Variants in RABGAP1 observed in about 807,000 individuals in gnomAD.
RABGAP1 encodes the protein rab GTPase-activating protein 1.
In RABGAP1, 23 loss-of-function variants were observed where a neutral mutation model predicts 137.6. That is an observed-to-expected ratio of 0.17 (90% CI 0.12 to 0.24). The LOEUF (loss-of-function observed/expected upper bound fraction) is 0.24. Among genes scored for constraint, RABGAP1 ranks in the 10% least tolerant of loss-of-function variants. The pLI is 1.00. For synonymous variants in RABGAP1, 451 were observed against 450.7 expected (o/e 1.00, Z -0.01); for missense variants, 906 against 1,275.8 (o/e 0.71, Z 4.42).
chr9:122,971,402 A>T (rs953566653), intron 2 of RABGAP1, among the ~76,000 whole-genome samples: 14 of 152,226 alleles, frequency 9.2e-5, no homozygotes, highest in South Asian at 2.1e-4. Flanking sequence ...ATTTCCCCAG[A>T]TAACCCTCTT....
At chr9:122,958,745 A>T (rs1834682382) in intron 2 of RABGAP1, among the ~76,000 whole-genome samples, 1 of 152,148 alleles carries the variant, frequency 6.6e-6, no homozygotes, top group Non-Finnish European at 1.5e-5. Context: ...GTTGTGGCTC[A>T]CACCTATAAT....
intron 15 of RABGAP1, among the ~76,000 whole-genome samples, chr9:123,072,156 A>G (rs779905213): frequency 6.6e-6 from 1 of 152,222 alleles, no homozygotes; most frequent in Non-Finnish European, 1.5e-5. Flanking sequence ...CCAAAAATCC[A>G]AAGTGTTCCA....
intron 13 of RABGAP1, chr9:123,034,947 A>C (rs1012633494): frequency 2.5e-6 from 4 of 1,613,050 alleles, no homozygotes; most frequent in African/African-American, 1.3e-5. Flanking sequence ...GCATTGATAG[A>C]TACATTGCCA....
chr9:123,015,173 GA>G (rs1274895193), intron 11 of RABGAP1, among the ~76,000 whole-genome samples: 1 of 151,754 alleles, frequency 6.6e-6, no homozygotes, highest in Non-Finnish European at 1.5e-5. Context: ...TAGGTAGTTT[GA>G]AATTTTTTAA....
In RABGAP1 at chr9:123,104,246, TA is replaced by T. The variant is rs2035435413; in HGVS notation, c.*1036del. On this transcript the variant is annotated 3_prime_UTR_variant, in exon 26 of 26. Transcript: ENST00000373647. ...TGAGAAAGACTGAGTTGCGTGTCTG[TA>T]AATGTCTGCGCAGGGTGCACATGCT... is the stretch of plus-strand genomic sequence containing the variant. 6.6e-6 allele frequency: 1 copy of T among 152,548 alleles called. No homozygotes were observed. Among genetic ancestry groups the T allele is most frequent in the African/African-American group, 2.4e-5 (1 of 41,406 alleles). The allele number at this position is 152,548 out of a possible 1,614,324, so 9.4% of individuals were successfully genotyped here.
At chr9:123,023,361 A>G (rs1263410515) in intron 13 of RABGAP1, among the ~76,000 whole-genome samples, 1 of 152,090 alleles carries the variant, frequency 6.6e-6, no homozygotes, top group Admixed American at 6.6e-5. Flanking sequence ...TTGTATTTTT[A>G]GTAGAGACAG....
intron 1 of RABGAP1, among the ~76,000 whole-genome samples, chr9:122,954,185 G>A (rs1321141218): frequency 6.6e-6 from 1 of 152,170 alleles, no homozygotes; most frequent in East Asian, 1.9e-4. Flanking sequence ...CAGAGGTTGT[G>A]AATCTCTAGA....
rs777856381 is a variant in RABGAP1, at chr9:122,998,752, T to C, written c.1360T>C (p.Leu454=). 1.3e-6 allele frequency: 2 copies of C among 1,597,574 alleles called. No individual in the cohort carries two copies. Among genetic ancestry groups the C allele is most frequent in the South Asian group, 1.1e-5 (1 of 88,918 alleles). The stretch of plus-strand genomic sequence containing the variant: ...ACGTAGTACTACTGAAAATTTCTTT[T>C]TGAAACTAAAACAGGTACTGTATTT... ...SKRSTTENFF[L]KLKQIKQRER... The change falls in exon 10 of 26, where the codon TTG becomes CTG. Residue 454 remains leucine (L), a synonymous_variant. Transcript: ENST00000373647.
intron 1 of RABGAP1, among the ~76,000 whole-genome samples, chr9:122,944,590 G>C (rs10985830): frequency 6.6e-6 from 1 of 150,854 alleles, no homozygotes; most frequent in East Asian, 2.0e-4. Flanking sequence ...GTGGCGGCAC[G>C]ATATCAGCTC....
chr9:123,097,653 T>C (rs2035223171), intron 21 of RABGAP1, 88 bp from the exon 22 acceptor site: 1 of 1,112,718 alleles, frequency 9.0e-7, no homozygotes, highest in East Asian at 2.4e-5. Context: ...AGTTTCCCCA[T>C]CATCTTAAAA....
intron 13 of RABGAP1, among the ~76,000 whole-genome samples, chr9:123,026,059 C>T (rs915081700): frequency 2.1e-5 from 3 of 143,704 alleles, no homozygotes; most frequent in Admixed American, 7.3e-5. Context: ...CGCAGTGGCT[C>T]ACGCCTGTAA....
intron 12 of RABGAP1, among the ~76,000 whole-genome samples, chr9:123,020,107 T>G (rs1212495757): frequency 6.6e-6 from 1 of 151,976 alleles, no homozygotes; most frequent in Non-Finnish European, 1.5e-5. Flanking sequence ...TTGCAGAATC[T>G]ATGTGGATTT....
chr9:123,096,764 G>A (rs1448931900), intron 21 of RABGAP1, among the ~76,000 whole-genome samples: 2 of 152,142 alleles, frequency 1.3e-5, no homozygotes, highest in Admixed American at 1.3e-4. Context: ...TAGAAACAGG[G>A]TTTCACTATG....
chr9:122,965,676 G>A (rs1034330443), intron 2 of RABGAP1, among the ~76,000 whole-genome samples: 2 of 152,170 alleles, frequency 1.3e-5, no homozygotes, highest in African/African-American at 2.4e-5. Context: ...GAGCCACCAC[G>A]CCCAGCCTGT....
chr9:123,024,744 A>G (rs1223518528), intron 13 of RABGAP1, among the ~76,000 whole-genome samples: 1 of 152,132 alleles, frequency 6.6e-6, no homozygotes, highest in Non-Finnish European at 1.5e-5. Context: ...GGCCTAGCAT[A>G]TCTTTAGTTT....
intron 2 of RABGAP1, among the ~76,000 whole-genome samples, chr9:122,982,088 G>A (rs1183842610): frequency 6.6e-6 from 1 of 151,874 alleles, no homozygotes; most frequent in Non-Finnish European, 1.5e-5. Context: ...TACTGTCACA[G>A]GTAGTAATTT....
intron 10 of RABGAP1, among the ~76,000 whole-genome samples, chr9:123,000,495 T>C (rs1837262923): frequency 6.6e-6 from 1 of 152,196 alleles, no homozygotes; most frequent in African/African-American, 2.4e-5. Flanking sequence ...TAGCATTTGC[T>C]TTAGATGATT....
At chr9:122,970,490 A>T (rs994062989) in intron 2 of RABGAP1, among the ~76,000 whole-genome samples, 1 of 152,208 alleles carries the variant, frequency 6.6e-6, no homozygotes. Context: ...TTCAGGGGGT[A>T]CATGTACAGG....
chr9:123,025,297 G>T (rs1002033717), intron 13 of RABGAP1, among the ~76,000 whole-genome samples: 2 of 152,070 alleles, frequency 1.3e-5, no homozygotes, highest in African/African-American at 4.8e-5. Context: ...AAAAGGCTTT[G>T]TATTATTTCT....
Sources: allele counts gnomAD v4.1 joint callset (sites outside exome capture counted in the v4.1 genomes callset), GRCh38; gene constraint gnomAD v4.1.1; transcripts MANE v1.5; gene names NCBI Gene and HGNC (gene_info 2026-07-23, HGNC 2026-07-21).